The following SLCO5A1 variants were observed in gnomAD, a reference collection of about 807,000 sequenced individuals.
SLCO5A1 encodes the protein organic anion transporter polypeptide-related protein 4.
In SLCO5A1, 39 loss-of-function variants were observed where a neutral mutation model predicts 65.1. The ratio of observed to expected loss-of-function variants is 0.60; its 90% CI spans 0.46 to 0.78. SLCO5A1 has a LOEUF of 0.78. Among genes scored for constraint, SLCO5A1 ranks in the 30% least tolerant of loss-of-function variants. SLCO5A1 has a pLI of 0.00. For missense variants in SLCO5A1, 1,029 were observed against 1,069.4 expected (o/e 0.96, Z 0.53); for synonymous variants, 438 against 415.7 (o/e 1.05, Z -0.65).
chr8:69,681,735 G>T lies in SLCO5A1; in HGVS notation c.1782+449C>A, dbSNP rs113741996. 6.0e-3 allele frequency among the ~76,000 whole-genome samples: 910 copies of T among 151,970 alleles called. 17 individuals are homozygous for T. Among genetic ancestry groups the T allele is most frequent in the African/African-American group, 0.021 (871 of 41,438 alleles). On this transcript the variant is annotated intron_variant, in intron 7 of 9. Transcript: ENST00000260126. ...TACTTTGAAAGTTTTTTTTTAAGCC[G>T]GAACTGAACTGATATAGTCTATGAA...
At chr8:69,815,647 A>AACGCACAC (rs1202469128) in intron 2 of SLCO5A1, among the ~76,000 whole-genome samples, 1 of 141,190 alleles carries the variant, frequency 7.1e-6, no homozygotes, top group Non-Finnish European at 1.5e-5. Flanking sequence ...GTAAAATATC[A>AACGCACAC]ACACACACAC....
intron 5 of SLCO5A1, among the ~76,000 whole-genome samples, chr8:69,731,166 A>AT (rs1388123051): frequency 6.6e-6 from 1 of 152,026 alleles, no homozygotes; most frequent in Non-Finnish European, 1.5e-5. Context: ...CGCCTGGCTA[A>AT]TTTTTGTATT....
intron 2 of SLCO5A1, among the ~76,000 whole-genome samples, chr8:69,773,321 A>T (rs1176682866): frequency 6.6e-6 from 1 of 152,142 alleles, no homozygotes; most frequent in Non-Finnish European, 1.5e-5. Flanking sequence ...TGTTTCCCAG[A>T]TGGCAGTAGA....
At chr8:69,700,624 A>T (rs1013142155) in intron 6 of SLCO5A1, 1 of 152,168 alleles carries the variant, frequency 6.6e-6, no homozygotes, top group Admixed American at 6.5e-5. Context: ...CTGAAATACT[A>T]GTAATAAAAG....
rs779049352 is a variant in SLCO5A1, at chr8:69,832,319, A to G, written c.355T>C (p.Cys119Arg). The change falls in exon 2 of 10, where the codon TGC becomes CGC. Residue 119 changes from cysteine (C) to arginine (R), a missense_variant. Transcript: ENST00000260126. This position sits in a 1 kb window ranked among gnomAD's most constrained non-coding sequence, Gnocchi z 4.5. ...SALAMLQERRCLYVVLTDSRC... is the reference protein window; with the variant it reads ...SALAMLQERRRLYVVLTDSRC... The stretch of plus-strand genomic sequence containing the variant: ...GAATCCGTGAGGACCACGTAGAGGC[A>G]CCTTCTCTCCTGGAGCATGGCCAAG... 5.6e-6 allele frequency: 9 copies of G among 1,614,178 alleles called. No homozygotes were observed. In the African/African-American group the frequency reaches 1.2e-4, roughly 22 times the overall value.
chr8:69,781,508 T>G lies in SLCO5A1; in HGVS notation c.908-19633A>C, dbSNP rs114967875. Reference sequence around the variant, plus strand: ...AGTCAAAGTCAACAGTCATTGAGAATAGAACTGTTACTATAAGATAACATT... The same window carrying G: ...AGTCAAAGTCAACAGTCATTGAGAAGAGAACTGTTACTATAAGATAACATT... On this transcript the variant is annotated intron_variant, in intron 2 of 9. Coordinates refer to ENST00000260126, the MANE Select transcript of SLCO5A1 (RefSeq NM_030958.3). 7.3e-3 allele frequency among the ~76,000 whole-genome samples: 1,115 copies of G among 152,340 alleles called. 14 individuals carry two copies. Among genetic ancestry groups the G allele is most frequent in the African/African-American group, 0.026 (1,068 of 41,566 alleles).
At chr8:69,758,506 C>T (rs549990621) in intron 3 of SLCO5A1, among the ~76,000 whole-genome samples, 1 of 152,224 alleles carries the variant, frequency 6.6e-6, no homozygotes, top group South Asian at 2.1e-4. Flanking sequence ...TTGCACTCAA[C>T]CTCCCTGCCC....
Position 69,673,253 on chromosome 8 carries a change from A to C in SLCO5A1, c.2163T>G (p.Gly721=). ...TGTACTCCCAGCAAGAACCCTGCAC[A>C]CCACATTCCTGTTGCCAGAGCATGC... ...TTCMLWQQEC[G]VQGSCWEYNV... The change falls in exon 10 of 10, where the codon GGT becomes GGG. Residue 721 remains glycine (G), a synonymous_variant. Transcript: ENST00000260126. 1.9e-6 allele frequency: 3 copies of C among 1,614,234 alleles called. No individual in the cohort carries two copies. The highest frequency in any genetic ancestry group is 2.5e-6 in the Non-Finnish European group (3 of 1,180,044).
At chr8:69,767,783 A>C (rs1333526250) in intron 2 of SLCO5A1, among the ~76,000 whole-genome samples, 1 of 147,010 alleles carries the variant, frequency 6.8e-6, no homozygotes, top group East Asian at 2.2e-4. Flanking sequence ...CCAGCTACTC[A>C]GGAGGCTGAG....
intron 4 of SLCO5A1, among the ~76,000 whole-genome samples, chr8:69,751,248 G>A (rs1253736800): frequency 6.6e-6 from 1 of 152,066 alleles, no homozygotes; most frequent in Non-Finnish European, 1.5e-5. Flanking sequence ...TCAAACCTCA[G>A]GAAAATGGAT....
intron 6 of SLCO5A1, among the ~76,000 whole-genome samples, chr8:69,687,190 A>C (rs916046269): frequency 1.3e-5 from 2 of 152,226 alleles, no homozygotes; most frequent in African/African-American, 4.8e-5. Context: ...TGGTGGGAAA[A>C]GAACTAGATG....
intron 2 of SLCO5A1, among the ~76,000 whole-genome samples, chr8:69,783,751 G>T (rs1818901877): frequency 6.6e-6 from 1 of 152,086 alleles, no homozygotes; most frequent in Non-Finnish European, 1.5e-5. Context: ...AATATTATGA[G>T]TGAAAAAGAG....
intron 2 of SLCO5A1, among the ~76,000 whole-genome samples, chr8:69,830,886 T>G (rs1821123810): frequency 6.6e-6 from 1 of 152,220 alleles, no homozygotes; most frequent in Admixed American, 6.5e-5. Context: ...GCAATAAAAA[T>G]AGCTTTGGAT....
chr8:69,734,006 G>A (rs1816448616), intron 5 of SLCO5A1, among the ~76,000 whole-genome samples: 1 of 150,010 alleles, frequency 6.7e-6, no homozygotes, highest in East Asian at 1.9e-4. Context: ...AGCAGGGAGA[G>A]CACTGTGACA....
At position 69,676,673 on chromosome 8, in the gene SLCO5A1, C is replaced by T. The variant is rs777521918; in HGVS notation, c.2025G>A (p.Arg675=). The T allele has an allele frequency of 1.2e-6, 2 of 1,609,278 alleles. No individual in the cohort carries two copies. The highest frequency in any genetic ancestry group is 4.5e-5 in the East Asian group (2 of 44,586). Residue 675 remains arginine (R), a splice_region_variant and synonymous_variant, in exon 9 of 10, where the codon AGG becomes AGA. Transcript: ENST00000260126. The part of the protein sequence containing the change: ...AQPSAIIVTL[R]SVEDEERPFA... Reference sequence around the variant, plus strand: ...AAGGTCTCTCCTCATCTTCTACGGACCTACAGTGAAGGGAAAGAAGGAAAT... The same window carrying T: ...AAGGTCTCTCCTCATCTTCTACGGATCTACAGTGAAGGGAAAGAAGGAAAT...
chr8:69,763,135 C>T (rs141573312), intron 2 of SLCO5A1, among the ~76,000 whole-genome samples: 130 of 151,988 alleles, frequency 8.6e-4, no homozygotes, highest in African/African-American at 2.9e-3. Flanking sequence ...CATGGTGAAA[C>T]CTCGTCTCTA....
intron 5 of SLCO5A1, among the ~76,000 whole-genome samples, chr8:69,730,389 AC>A (rs1213246443): frequency 6.6e-6 from 1 of 152,244 alleles, no homozygotes; most frequent in Non-Finnish European, 1.5e-5. Context: ...TATTTGGTAC[AC>A]AGGGTTTTGG....
intron 4 of SLCO5A1, among the ~76,000 whole-genome samples, chr8:69,752,381 A>G (rs560919116): frequency 1.3e-5 from 2 of 152,226 alleles, no homozygotes; most frequent in East Asian, 3.9e-4. Context: ...CAAGACCTCA[A>G]TAATAAATCT....
intron 6 of SLCO5A1, among the ~76,000 whole-genome samples, chr8:69,690,193 G>T (rs901310825): frequency 6.6e-6 from 1 of 152,182 alleles, no homozygotes; most frequent in Non-Finnish European, 1.5e-5. Context: ...TCGCTGGATA[G>T]TAGGTAGGGA....
Sources: allele counts gnomAD v4.1 joint callset (sites outside exome capture counted in the v4.1 genomes callset), GRCh38; gene constraint gnomAD v4.1.1; non-coding constraint Gnocchi (gnomAD v3.1); transcripts MANE v1.5; gene names NCBI Gene and HGNC (gene_info 2026-07-23, HGNC 2026-07-21).